The following AGPAT4 variants were observed in gnomAD, a reference collection of about 807,000 sequenced individuals.
The protein encoded by AGPAT4 is 1-acyl-sn-glycerol-3-phosphate acyltransferase delta.
In AGPAT4, 15 loss-of-function variants were observed where a neutral mutation model predicts 48.0. That is an observed-to-expected ratio of 0.31 (90% confidence interval 0.21 to 0.48). AGPAT4 has a LOEUF of 0.48. Among genes scored for constraint, AGPAT4 ranks in the 20% least tolerant of loss-of-function variants. AGPAT4 has a pLI of 0.99. For missense variants in AGPAT4, 314 were observed against 482.5 expected (o/e 0.65, Z 3.27); for synonymous variants, 178 against 198.7 (o/e 0.90, Z 0.88).
chr6:161,156,549 A>T (rs572784879), intron 3 of AGPAT4, among the ~76,000 whole-genome samples: 1 of 152,358 alleles, frequency 6.6e-6, no homozygotes, highest in East Asian at 1.9e-4. Context: ...TAAATTTTTA[A>T]AAGATCTGGA....
intron 2 of AGPAT4, among the ~76,000 whole-genome samples, chr6:161,179,932 T>C (rs1021263676): frequency 2.0e-5 from 3 of 152,342 alleles, no homozygotes; most frequent in East Asian, 3.9e-4. Context: ...AAAAGTTACA[T>C]GTGGCTATTT....
chr6:161,139,700 A>C lies in AGPAT4; in HGVS notation c.844-80T>G. 2.3e-6 allele frequency: 3 copies of C among 1,304,772 alleles called. No homozygotes were observed. The highest frequency in any genetic ancestry group is 3.2e-6 in the Non-Finnish European group (3 of 943,462). The allele number at this position is 1,304,772 out of a possible 1,614,324, so 80.8% of individuals were successfully genotyped here. A position where few individuals can be genotyped will look rare whatever the true frequency, so the allele number is the denominator to read the frequency against. ...CCTCCCGAGGCCCTGCTTCCAAGGG[A>C]ATCGCAGAGATACACAGGTGCCACC... On this transcript the variant is annotated intron_variant, in intron 7 of 8. Transcript: ENST00000320285. This position sits in a 1 kb window ranked among gnomAD's most constrained non-coding sequence, Gnocchi z 9.1.
rs1779296037 is a variant in AGPAT4, at chr6:161,142,783, C to T, written c.844-3163G>A. ...AGGCTCTGTGAGAAGCGCTCGCAAG[C>T]CTTGGTCTCAGCCCGCAGACACCAC... On this transcript the variant is annotated intron_variant, in intron 7 of 8. Coordinates refer to ENST00000320285, the MANE Select transcript of AGPAT4 (RefSeq NM_020133.3). The surrounding 1 kb of genome is among the most constrained non-coding windows in gnomAD (Gnocchi z 6.4). 1.3e-5 allele frequency among the ~76,000 whole-genome samples: 2 copies of T among 152,208 alleles called. No homozygotes were observed. The highest frequency in any genetic ancestry group is 2.1e-4 in the South Asian group (1 of 4,830).
At position 161,149,165 on chromosome 6, in the gene AGPAT4, G is replaced by A. The variant is rs779065236; in HGVS notation, c.767+22C>T. On this transcript the variant is annotated intron_variant, in intron 6 of 8. Coordinates refer to ENST00000320285, the MANE Select transcript of AGPAT4 (RefSeq NM_020133.3). The surrounding 1 kb of genome is among the most constrained non-coding windows in gnomAD (Gnocchi z 6.5). Reference sequence around the variant, plus strand: ...TTTGAAATGGGCACTGTCTTTTCTGGAAAGGAAACAGTTCGACTTACCTAA... The same window carrying A: ...TTTGAAATGGGCACTGTCTTTTCTGAAAAGGAAACAGTTCGACTTACCTAA... 1.9e-6 allele frequency: 3 copies of A among 1,607,132 alleles called. No individual in the cohort carries two copies. Among genetic ancestry groups the A allele is most frequent in the Non-Finnish European group, 1.7e-6 (2 of 1,177,962 alleles).
Position 161,171,953 on chromosome 6 carries a change from G to C in AGPAT4, c.179-5536C>G, listed in dbSNP as rs1329959105. 6.6e-6 allele frequency among the ~76,000 whole-genome samples: 1 copy of C among 151,958 alleles called. No individual in the cohort carries two copies. Among genetic ancestry groups the C allele is most frequent in the East Asian group, 1.9e-4 (1 of 5,178 alleles). Reference sequence around the variant, plus strand: ...AAAAGTTTCCAACACATGAACTCTGGGGGACACATTCAGAACATAGCATCC... The same window carrying C: ...AAAAGTTTCCAACACATGAACTCTGCGGGACACATTCAGAACATAGCATCC... On this transcript the variant is annotated intron_variant, in intron 2 of 8. Coordinates refer to ENST00000320285, the MANE Select transcript of AGPAT4 (RefSeq NM_020133.3). This position sits in a 1 kb window ranked among gnomAD's most constrained non-coding sequence, Gnocchi z 4.4.
At position 161,197,861 on chromosome 6, in the gene AGPAT4, G is replaced by C. The variant is rs1317891562; in HGVS notation, c.179-31444C>G. On this transcript the variant is annotated intron_variant, in intron 2 of 8. Coordinates refer to ENST00000320285, the MANE Select transcript of AGPAT4 (RefSeq NM_020133.3). This position sits in a 1 kb window ranked among gnomAD's most constrained non-coding sequence, Gnocchi z 5.7. ...ATGTCATCATCAATAAATACCCACT[G>C]CTGATTGATTGAAATGTGGTCTTGG... Among the ~76,000 whole-genome samples the C allele has an allele frequency of 6.6e-6, 1 of 152,184 alleles. No individual in the cohort carries two copies. Among genetic ancestry groups the C allele is most frequent in the African/African-American group, 2.4e-5 (1 of 41,438 alleles).
rs990695951 is a variant in AGPAT4 at position 161,197,513 on chromosome 6, G to A, written c.179-31096C>T. ...CAAATGCTCCCAATGCACCCAACAG[G>A]CTCTCTCTCCTCCTGCCTCAGCCCT... On this transcript the variant is annotated intron_variant, in intron 2 of 8. Transcript: ENST00000320285. The surrounding 1 kb of genome is among the most constrained non-coding windows in gnomAD (Gnocchi z 5.7). Among the ~76,000 whole-genome samples the A allele has an allele frequency of 6.6e-6, 1 of 152,060 alleles. No homozygotes were observed. The highest frequency in any genetic ancestry group is 1.5e-5 in the Non-Finnish European group (1 of 68,014).
chr6:161,160,892 C>T (rs1200657273), intron 3 of AGPAT4: 1 of 412,908 alleles, frequency 2.4e-6, no homozygotes, highest in Non-Finnish European at 4.9e-6. Flanking sequence ...AGGACGTCCC[C>T]AGGGCAGAAA....
chr6:161,160,187 C>T (rs1189056768), intron 3 of AGPAT4: 1 of 137,916 alleles, frequency 7.3e-6, no homozygotes, highest in African/African-American at 2.8e-5. Flanking sequence ...GTCTCAAATT[C>T]CTGACCTCAG....
chr6:161,217,062 A>C lies in AGPAT4; in HGVS notation c.178+14974T>G, dbSNP rs1416683552. 2.6e-5 allele frequency among the ~76,000 whole-genome samples: 4 copies of C among 152,186 alleles called. No homozygotes were observed. The highest frequency in any genetic ancestry group is 9.6e-5 in the African/African-American group (4 of 41,526). ...ACCTTCAGGCTTTCCTGTCCTTGTC[A>C]ATTTCCGTTTAGGTGTTTTATCATT... On this transcript the variant is annotated intron_variant, in intron 2 of 8. Coordinates refer to ENST00000320285, the MANE Select transcript of AGPAT4 (RefSeq NM_020133.3). The surrounding 1 kb of genome is among the most constrained non-coding windows in gnomAD (Gnocchi z 4.9).
chr6:161,224,640 C>CAAAAAAA (rs71543000), intron 2 of AGPAT4, among the ~76,000 whole-genome samples: 4 of 78,636 alleles, frequency 5.1e-5, no homozygotes, highest in Admixed American at 1.6e-4. Context: ...GACTCCTTCT[C>CAAAAAAA]AAAAAAAAAA....
chr6:161,187,510 T>TTTA (rs968195362), intron 2 of AGPAT4, among the ~76,000 whole-genome samples: 2 of 62,592 alleles, frequency 3.2e-5, no homozygotes, highest in Admixed American at 1.7e-4. Flanking sequence ...AGCCCATTTA[T>TTTA]TTATTTATTT....
rs1180694479 is a variant in AGPAT4, at chr6:161,196,969, C to T, written c.179-30552G>A. ...CTGCTCCAGGCACTGGGGAAGTCAG[C>T]TGTGAACAAGAGGCAAAGTCTGTGT... On this transcript the variant is annotated intron_variant, in intron 2 of 8. Transcript: ENST00000320285. The surrounding 1 kb of genome is among the most constrained non-coding windows in gnomAD (Gnocchi z 4.3). 6.6e-6 allele frequency among the ~76,000 whole-genome samples: 1 copy of T among 152,098 alleles called. No individual in the cohort carries two copies.
Position 161,235,475 on chromosome 6 carries a change from C to T in AGPAT4, c.-89-3173G>A, listed in dbSNP as rs909747000. Among the ~76,000 whole-genome samples the T allele has an allele frequency of 5.3e-5, 8 of 152,150 alleles. No individual in the cohort carries two copies. The highest frequency in any genetic ancestry group is 2.1e-4 in the South Asian group (1 of 4,828). ...GTCTGGAGGACAAATGTGTGACATA[C>T]GTCTTAAGTTCATTCCAGATAGACG... is the stretch of plus-strand genomic sequence containing the variant. On this transcript the variant is annotated intron_variant, in intron 1 of 8. Coordinates refer to ENST00000320285, the MANE Select transcript of AGPAT4 (RefSeq NM_020133.3). This position sits in a 1 kb window ranked among gnomAD's most constrained non-coding sequence, Gnocchi z 6.2.
At chr6:161,253,618 TA>T (rs1782863975) in intron 1 of AGPAT4, among the ~76,000 whole-genome samples, 1 of 151,646 alleles carries the variant, frequency 6.6e-6, no homozygotes, top group African/African-American at 2.4e-5. Flanking sequence ...TTAAAAATTA[TA>T]AATATTTTAT....
In AGPAT4 at chr6:161,270,256, C is replaced by T; in HGVS notation, c.-90+3682G>A. 6.6e-6 allele frequency among the ~76,000 whole-genome samples: 1 copy of T among 152,190 alleles called. No homozygotes were observed. The highest frequency in any genetic ancestry group is 2.4e-5 in the African/African-American group (1 of 41,452). ...AGTTCATGCTTTAAGCTTCCTCTTT[C>T]CTACAGCCTGGCAGCCACTGCAGAC... On this transcript the variant is annotated intron_variant, in intron 1 of 8. Coordinates refer to ENST00000320285, the MANE Select transcript of AGPAT4 (RefSeq NM_020133.3). The surrounding 1 kb of genome is among the most constrained non-coding windows in gnomAD (Gnocchi z 5.3).
rs777416081 is a variant in AGPAT4 at position 161,223,446 on chromosome 6, G to A, written c.178+8590C>T. ...ATCTCAGCTCTCCTCCTCTCTGTTC[G>A]GCCTTAGGCAAGTCATCCAACCTCT... On this transcript the variant is annotated intron_variant, in intron 2 of 8. Transcript: ENST00000320285. This position sits in a 1 kb window ranked among gnomAD's most constrained non-coding sequence, Gnocchi z 6.3. Among the ~76,000 whole-genome samples, 17 of 152,078 alleles carry A rather than the reference G, an allele frequency of 1.1e-4. No homozygotes were observed. The highest frequency in any genetic ancestry group is 2.6e-4 in the Admixed American group (4 of 15,258).
rs1006725845 is a variant in AGPAT4 at position 161,140,144 on chromosome 6, C to A, written c.844-524G>T. On this transcript the variant is annotated intron_variant, in intron 7 of 8. Transcript: ENST00000320285. This position sits in a 1 kb window ranked among gnomAD's most constrained non-coding sequence, Gnocchi z 6.5. ...TCCACAGCCAGTTCACCTCGGGCAGCCCACCCGCACCTACCACCCTGTTTG... is the reference window on the plus strand; with the variant it reads ...TCCACAGCCAGTTCACCTCGGGCAGACCACCCGCACCTACCACCCTGTTTG... Among the ~76,000 whole-genome samples, 1 of 152,154 alleles carries A rather than the reference C, an allele frequency of 6.6e-6. No individual in the cohort carries two copies. Among genetic ancestry groups the A allele is most frequent in the African/African-American group, 2.4e-5 (1 of 41,462 alleles).
Position 161,220,607 on chromosome 6 carries a change from G to A in AGPAT4, c.178+11429C>T, listed in dbSNP as rs1162865666. Among the ~76,000 whole-genome samples, 4 of 152,076 alleles carry A rather than the reference G, an allele frequency of 2.6e-5. No individual in the cohort carries two copies. The highest frequency in any genetic ancestry group is 9.7e-5 in the African/African-American group (4 of 41,404). On this transcript the variant is annotated intron_variant, in intron 2 of 8. Coordinates refer to ENST00000320285, the MANE Select transcript of AGPAT4 (RefSeq NM_020133.3). The surrounding 1 kb of genome is among the most constrained non-coding windows in gnomAD (Gnocchi z 6.0). ...AAGACGCTGCCAGTAAGACAGAACC[G>A]AATATTGCAAAATGGGTAGGCAATG... is the stretch of plus-strand genomic sequence containing the variant.
Sources: gnomAD v4.1 joint callset for allele counts (sites outside exome capture counted in the v4.1 genomes callset) on GRCh38, gnomAD v4.1.1 for gene constraint, Gnocchi (gnomAD v3.1) non-coding constraint, MANE v1.5 for transcripts, NCBI Gene and HGNC (gene_info 2026-07-23, HGNC 2026-07-21) for gene names.